SLC35F3: variants seen among roughly 807,000 people sequenced by gnomAD.
The protein encoded by SLC35F3 is putative thiamine transporter SLC35F3.
Under a neutral mutation model 49.9 loss-of-function variants are expected in SLC35F3, and 25 were observed. The observed-to-expected ratio is 0.50, with a 90% confidence interval of 0.37 to 0.70. The LOEUF is 0.70. Ranked by LOEUF, SLC35F3 falls within the 30% of genes least tolerant of loss-of-function variation. SLC35F3 has a pLI of 0.00. For missense variants in SLC35F3, 525 were observed against 639.8 expected (o/e 0.82, Z 1.94); for synonymous variants, 275 against 265.4 (o/e 1.04, Z -0.35).
At chr1:234,099,045 A>G (rs529289674) in intron 2 of SLC35F3, among the ~76,000 whole-genome samples, 59 of 152,202 alleles carry the variant, frequency 3.9e-4, no homozygotes, top group Admixed American at 2.0e-3. Context: ...TTGAAGCAAC[A>G]GCAATAGGAG....
chr1:234,201,071 T>C (rs1666894212), intron 2 of SLC35F3, among the ~76,000 whole-genome samples: 1 of 152,186 alleles, frequency 6.6e-6, no homozygotes, highest in South Asian at 2.1e-4. Context: ...TCTCTAGCCA[T>C]AACCCACAGT....
chr1:234,198,175 C>T (rs1209811489), intron 2 of SLC35F3, among the ~76,000 whole-genome samples: 1 of 152,228 alleles, frequency 6.6e-6, no homozygotes, highest in Non-Finnish European at 1.5e-5. Context: ...ACCTTTTGCT[C>T]AGGTAAGAAA....
At chr1:234,125,483 C>G (rs995449719) in intron 2 of SLC35F3, among the ~76,000 whole-genome samples, 3 of 152,128 alleles carry the variant, frequency 2.0e-5, no homozygotes, top group Non-Finnish European at 4.4e-5. Context: ...AGGAGGCGCT[C>G]TAAGTCCATG....
chr1:234,155,695 A>G (rs186000353), intron 2 of SLC35F3, among the ~76,000 whole-genome samples: 1 of 152,090 alleles, frequency 6.6e-6, no homozygotes, highest in Admixed American at 6.5e-5. Context: ...GAATTAAATG[A>G]ATGCTAACAA....
chr1:234,014,200 A>G (rs1372305439), intron 2 of SLC35F3, among the ~76,000 whole-genome samples: 1 of 152,184 alleles, frequency 6.6e-6, no homozygotes, highest in Non-Finnish European at 1.5e-5. Flanking sequence ...AAATCCATAA[A>G]TGTGATGCAC....
intron 2 of SLC35F3, among the ~76,000 whole-genome samples, chr1:234,000,117 G>A (rs1663528440): frequency 6.6e-6 from 1 of 152,146 alleles, no homozygotes; most frequent in Admixed American, 6.5e-5. Context: ...TTTAAAGTGA[G>A]TATGAATACT....
intron 2 of SLC35F3, among the ~76,000 whole-genome samples, chr1:233,978,842 C>T (rs1663133883): frequency 6.6e-6 from 1 of 152,046 alleles, no homozygotes; most frequent in Admixed American, 6.5e-5. Context: ...CCAGCCTGGC[C>T]AACATAGTTA....
At chr1:234,110,847 A>G (rs1021013235) in intron 2 of SLC35F3, among the ~76,000 whole-genome samples, 1 of 152,224 alleles carries the variant, frequency 6.6e-6, no homozygotes, top group Non-Finnish European at 1.5e-5. Flanking sequence ...CTATAAAATG[A>G]CAAAAATTTT....
intron 2 of SLC35F3, among the ~76,000 whole-genome samples, chr1:234,097,383 AC>A (rs1416292569): frequency 6.6e-6 from 1 of 152,198 alleles, no homozygotes; most frequent in East Asian, 1.9e-4. Context: ...TTTATTGAGC[AC>A]CTACCTTGTA....
At chr1:234,271,216 A>G (rs539270133) in intron 3 of SLC35F3, among the ~76,000 whole-genome samples, 3 of 152,304 alleles carry the variant, frequency 2.0e-5, no homozygotes, top group African/African-American at 2.4e-5. Flanking sequence ...GGTTGCCCCA[A>G]TCATTACTAC....
At chr1:234,026,913 G>C (rs1225036869) in intron 2 of SLC35F3, 1 of 152,394 alleles carries the variant, frequency 6.6e-6, no homozygotes, top group Non-Finnish European at 1.5e-5. Flanking sequence ...GATGACAAAA[G>C]TGTTTGGAAA....
chr1:234,082,161 C>T (rs115086654), intron 2 of SLC35F3, among the ~76,000 whole-genome samples: 2 of 151,944 alleles, frequency 1.3e-5, no homozygotes, highest in East Asian at 3.8e-4. Context: ...TAATTCATGT[C>T]TGCCAGCAGA....
chr1:234,117,241 G>C (rs1425293001), intron 2 of SLC35F3, among the ~76,000 whole-genome samples: 1 of 152,092 alleles, frequency 6.6e-6, no homozygotes, highest in Non-Finnish European at 1.5e-5. Context: ...GCTATATTCA[G>C]ATGTTGACCC....
intron 2 of SLC35F3, among the ~76,000 whole-genome samples, chr1:234,038,645 T>G (rs1664178963): frequency 6.6e-6 from 1 of 152,142 alleles, no homozygotes; most frequent in Non-Finnish European, 1.5e-5. Flanking sequence ...CATGAAAAAA[T>G]GCTCATCATC....
intron 3 of SLC35F3, among the ~76,000 whole-genome samples, chr1:234,248,944 A>G (rs2102961913): frequency 6.6e-6 from 1 of 152,336 alleles, no homozygotes; most frequent in East Asian, 1.9e-4. Flanking sequence ...GGGATCCTCC[A>G]GGTTTCTTCT....
chr1:234,141,402 G>GACTAA (rs1665911944), intron 2 of SLC35F3, among the ~76,000 whole-genome samples: 1 of 151,914 alleles, frequency 6.6e-6, no homozygotes, highest in East Asian at 1.9e-4. Context: ...CTTTACTAAG[G>GACTAA]GTTAATTGGT....
At chr1:234,134,358 G>A (rs1665778785) in intron 2 of SLC35F3, among the ~76,000 whole-genome samples, 1 of 148,446 alleles carries the variant, frequency 6.7e-6, no homozygotes, top group Non-Finnish European at 1.5e-5. Flanking sequence ...ATTACTTTAT[G>A]TGTGTATATA....
At chr1:234,235,616 T>A (rs547473671) in intron 3 of SLC35F3, among the ~76,000 whole-genome samples, 135 of 152,358 alleles carry the variant, frequency 8.9e-4, no homozygotes, top group Non-Finnish European at 8.7e-4. Context: ...GCAGCAGTAA[T>A]GACCTGCTTT....
intron 3 of SLC35F3, among the ~76,000 whole-genome samples, chr1:234,281,083 C>A (rs1158242369): frequency 5.4e-5 from 7 of 128,982 alleles, no homozygotes; most frequent in Non-Finnish European, 8.6e-5. Flanking sequence ...AAATTGTGTC[C>A]CCCCCCCATG....
Sources: allele counts gnomAD v4.1 joint callset (sites outside exome capture counted in the v4.1 genomes callset), GRCh38; gene constraint gnomAD v4.1.1; transcripts MANE v1.5; gene names NCBI Gene and HGNC (gene_info 2026-07-23, HGNC 2026-07-21).